The following DTNBP1 variants were observed in gnomAD, a reference collection of about 807,000 sequenced individuals.
The protein encoded by DTNBP1 is dystrobrevin binding protein 1, also known as dysbindin.
Under a neutral mutation model 42.8 loss-of-function variants are expected in DTNBP1, and 35 were observed. The ratio of observed to expected loss-of-function variants is 0.82; its 90% CI spans 0.63 to 1.09. The LOEUF is 1.09. Among genes scored for constraint, DTNBP1 ranks in the 50% least tolerant of loss-of-function variants. The probability of loss-of-function intolerance (pLI) is 0.00; values close to 1 mark genes in which losing one functional copy is unlikely to be tolerated. For missense variants in DTNBP1, 457 were observed against 424.2 expected (o/e 1.08, Z -0.68); for synonymous variants, 171 against 162.2 (o/e 1.05, Z -0.41).
intron 1 of DTNBP1, among the ~76,000 whole-genome samples, chr6:15,655,113 G>A (rs1224881472): frequency 5.9e-5 from 9 of 152,110 alleles, no homozygotes; most frequent in African/African-American, 2.2e-4. Flanking sequence ...GTGTGTTTGA[G>A]ACTTTGTAAA....
intron 6 of DTNBP1, among the ~76,000 whole-genome samples, chr6:15,604,757 C>CA (rs11448521): frequency 0.13 from 19,467 of 151,886 alleles, 1,613 homozygotes; most frequent in African/African-American, 0.23. Context: ...AAAAACAAAA[C>CA]AAAAAAACAC....
At chr6:15,613,011 A>G (rs548941347) in intron 6 of DTNBP1, among the ~76,000 whole-genome samples, 1 of 152,174 alleles carries the variant, frequency 6.6e-6, no homozygotes, top group Admixed American at 6.5e-5. Flanking sequence ...CACTCATTCA[A>G]AAGTCCCTTC....
intron 7 of DTNBP1, among the ~76,000 whole-genome samples, chr6:15,538,576 G>A (rs78629448): frequency 0.012 from 1,807 of 152,286 alleles, 15 homozygotes; most frequent in Non-Finnish European, 0.019. Context: ...ATTTTAAACT[G>A]TTATGTTTGT....
chr6:15,547,599 C>G (rs1187005784), intron 7 of DTNBP1, among the ~76,000 whole-genome samples: 1 of 152,156 alleles, frequency 6.6e-6, no homozygotes, highest in African/African-American at 2.4e-5. Flanking sequence ...CGGAAGAGCT[C>G]CAGCAGCAAC....
intron 7 of DTNBP1, among the ~76,000 whole-genome samples, chr6:15,554,948 G>A (rs1340365508): frequency 6.6e-6 from 1 of 152,030 alleles, no homozygotes; most frequent in African/African-American, 2.4e-5. Flanking sequence ...GTGTCTGGTG[G>A]TTGGTTGAAA....
chr6:15,615,584 C>T (rs1758673090), intron 5 of DTNBP1, among the ~76,000 whole-genome samples, 185 bp from the exon 6 acceptor site: 1 of 152,086 alleles, frequency 6.6e-6, no homozygotes, highest in Admixed American at 6.6e-5. Context: ...ATTCAAATTA[C>T]TTTTTTGACT....
chr6:15,574,464 T>C (rs1775478508), intron 7 of DTNBP1, among the ~76,000 whole-genome samples: 1 of 152,236 alleles, frequency 6.6e-6, no homozygotes, highest in South Asian at 2.1e-4. Flanking sequence ...ACGAGGGAGC[T>C]GTCAAGGTTC....
intron 7 of DTNBP1, chr6:15,546,151 C>T (rs931716823): frequency 2.7e-4 from 99 of 365,302 alleles, no homozygotes; most frequent in African/African-American, 1.9e-3. Flanking sequence ...CCGCAACCTC[C>T]GCCTCCAGGG....
At chr6:15,528,010 T>C (rs567748590) in intron 8 of DTNBP1, among the ~76,000 whole-genome samples, 1 of 152,182 alleles carries the variant, frequency 6.6e-6, no homozygotes, top group Non-Finnish European at 1.5e-5. Flanking sequence ...CAGGAATGCA[T>C]GAGACACGTG....
At chr6:15,588,004 A>T (rs891864564) in intron 7 of DTNBP1, among the ~76,000 whole-genome samples, 2 of 152,238 alleles carry the variant, frequency 1.3e-5, no homozygotes, top group Non-Finnish European at 2.9e-5. Flanking sequence ...CCCAAGATAA[A>T]TAAAAATGTA....
rs753076816 is a variant in DTNBP1 at position 15,524,267 on chromosome 6, CAA to C, written c.811+257_811+258del. 28 of 1,537,290 alleles carry C rather than the reference CAA, an allele frequency of 1.8e-5. No individual in the cohort carries two copies. In the Middle Eastern group the frequency reaches 1.6e-3, roughly 90 times the overall value. On this transcript the variant is annotated intron_variant, in intron 9 of 9. Transcript: ENST00000344537. ...TTTCTGGGTGGTAAAGGAGGGAAAA[CAA>C]ACAAGAAAGCTCTCAACTCACCAAA...
In DTNBP1 at chr6:15,523,677, A is replaced by G. The variant is rs766482543; in HGVS notation, c.812-458T>C. 2.4e-5 allele frequency: 31 copies of G among 1,287,166 alleles called. 1 individual carries two copies. In the South Asian group the frequency reaches 3.8e-4, roughly 16 times the overall value. 79.7% of individuals were successfully genotyped at this position (1,287,166 alleles called of 1,614,324 possible). ...TGGAACTAAATAGGCTCTTCAAGGA[A>G]TCAAAATTCTATATGCAGGTGTCAC... On this transcript the variant is annotated intron_variant, in intron 9 of 9. Coordinates refer to ENST00000344537, the MANE Select transcript of DTNBP1 (RefSeq NM_032122.5).
Position 15,524,613 on chromosome 6 carries a change from C to T in DTNBP1, c.724G>A (p.Asp242Asn). 6.2e-7 allele frequency: 1 copy of T among 1,613,914 alleles called. No individual in the cohort carries two copies. The highest frequency in any genetic ancestry group is 1.1e-5 in the South Asian group (1 of 91,060). ...EVNVDMLEQM[D>N]LMDISDQEAL... Reference sequence around the variant, plus strand: ...TCCTGGTCCGATATGTCCATCAGGTCCATCTGCTCCAGCATGTCCACGTTC... The same window carrying T: ...TCCTGGTCCGATATGTCCATCAGGTTCATCTGCTCCAGCATGTCCACGTTC... Residue 242 changes from aspartate (D) to asparagine (N), a missense_variant, in exon 9 of 10, where the codon GAC (aspartate) becomes AAC (asparagine). By Grantham distance (23) the Asp-to-Asn change is conservative. Transcript: ENST00000344537.
At chr6:15,582,109 C>T (rs1775866100) in intron 7 of DTNBP1, among the ~76,000 whole-genome samples, 1 of 152,122 alleles carries the variant, frequency 6.6e-6, no homozygotes. Context: ...CAATATGCTA[C>T]TTAGCTATTC....
intron 6 of DTNBP1, among the ~76,000 whole-genome samples, chr6:15,597,190 A>G (rs1665018106): frequency 1.3e-5 from 2 of 152,192 alleles, no homozygotes; most frequent in Non-Finnish European, 1.5e-5. Context: ...AAATAAAGCA[A>G]TAATTAGAAA....
At chr6:15,625,863 C>T (rs1325789619) in intron 5 of DTNBP1, among the ~76,000 whole-genome samples, 1 of 152,218 alleles carries the variant, frequency 6.6e-6, no homozygotes, top group Admixed American at 6.5e-5. Context: ...TTCCGAACAT[C>T]TTAAAGGCTA....
At chr6:15,628,192 A>T (rs760881085) in intron 4 of DTNBP1, among the ~76,000 whole-genome samples, 6 of 152,134 alleles carry the variant, frequency 3.9e-5, no homozygotes, top group Non-Finnish European at 7.4e-5. Flanking sequence ...GTCTTAACAT[A>T]GTGGGAGGGA....
At chr6:15,609,316 C>T (rs931074182) in intron 6 of DTNBP1, among the ~76,000 whole-genome samples, 3 of 151,606 alleles carry the variant, frequency 2.0e-5, no homozygotes, top group African/African-American at 7.3e-5. Flanking sequence ...CTACTAATTA[C>T]AATTTTTCTT....
intron 7 of DTNBP1, among the ~76,000 whole-genome samples, chr6:15,558,911 G>A (rs1408795179): frequency 6.6e-6 from 1 of 152,280 alleles, no homozygotes; most frequent in Non-Finnish European, 1.5e-5. Context: ...TATGTTATAG[G>A]TCATTTTAAT....
Sources: allele counts gnomAD v4.1 joint callset (sites outside exome capture counted in the v4.1 genomes callset), GRCh38; gene constraint gnomAD v4.1.1; transcripts MANE v1.5; gene names NCBI Gene and HGNC (gene_info 2026-07-23, HGNC 2026-07-21).